Variants in NUGGC observed in about 807,000 individuals in gnomAD.
NUGGC encodes nuclear GTPase SLIP-GC.
A neutral mutation model predicts 92.6 loss-of-function variants in NUGGC; 58 were observed. The ratio of observed to expected loss-of-function variants is 0.63; its 90% CI spans 0.51 to 0.78. The LOEUF (loss-of-function observed/expected upper bound fraction) is 0.78, where lower values mean the gene tolerates loss of function less well. NUGGC is among the 30% of genes least tolerant of loss of function. NUGGC has a pLI of 0.00. For missense variants in NUGGC, 925 were observed against 964.6 expected (o/e 0.96, Z 0.54); for synonymous variants, 376 against 366.4 (o/e 1.03, Z -0.30).
At chr8:28,078,782 G>C (rs1810780923) in intron 1 of NUGGC, among the ~76,000 whole-genome samples, 1 of 152,136 alleles carries the variant, frequency 6.6e-6, no homozygotes, top group Non-Finnish European at 1.5e-5. Flanking sequence ...TGAGCTACAG[G>C]AGTATAGTCC....
In NUGGC at chr8:28,069,588, A is replaced by C. The variant is rs764086140; in HGVS notation, c.213T>G (p.Ser71=). 6.2e-7 allele frequency: 1 copy of C among 1,611,352 alleles called. No homozygotes were observed. Residue 71 remains serine, a synonymous_variant, in exon 4 of 19, where the codon TCT becomes TCG. Coordinates refer to ENST00000413272, the MANE Select transcript of NUGGC (RefSeq NM_001010906.2). The part of the protein sequence containing the change: ...LSNTYQKLIQ[S]VFLDDSIPNG... Reference sequence around the variant, plus strand: ...TAGGGATGCTGTCATCCAGGAAGACAGACTGAATAAGTTTCTGATAAGTGT... The same window carrying C: ...TAGGGATGCTGTCATCCAGGAAGACCGACTGAATAAGTTTCTGATAAGTGT...
intron 13 of NUGGC, among the ~76,000 whole-genome samples, chr8:28,036,599 A>G (rs1809559979): frequency 6.6e-6 from 1 of 152,134 alleles, no homozygotes; most frequent in Non-Finnish European, 1.5e-5. Context: ...CTCCCTCCCA[A>G]ATCTTCTTAG....
At chr8:28,070,662 C>T (rs1269494766) in intron 2 of NUGGC, among the ~76,000 whole-genome samples, 1 of 150,416 alleles carries the variant, frequency 6.6e-6, no homozygotes, top group Non-Finnish European at 1.5e-5. Context: ...GCGGCATGAT[C>T]ACGACTCACT....
Position 28,045,524 on chromosome 8 carries a change from T to C in NUGGC, c.1446+3A>G. 1.9e-6 allele frequency: 3 copies of C among 1,611,724 alleles called. 1 individual carries two copies. Among genetic ancestry groups the C allele is most frequent in the South Asian group, 2.2e-5 (2 of 90,778 alleles). On this transcript the variant is annotated splice_donor_region_variant and intron_variant, in intron 12 of 18. Transcript: ENST00000413272. ...GAATATGAAAACCCAGTGTCTTCCA[T>C]ACCGGCAGGTTTTGCGTGGAGTTGA...
chr8:28,069,625 C>T lies in NUGGC; in HGVS notation c.176G>A (p.Arg59Lys), dbSNP rs781659148. 5 of 1,611,022 alleles carry T rather than the reference C, an allele frequency of 3.1e-6. No homozygotes were observed. The highest frequency in any genetic ancestry group is 3.3e-5 in the Admixed American group (2 of 60,018). The stretch of plus-strand genomic sequence containing the variant: ...TTTCTGATAAGTGTTGCTCAAAACC[C>T]TTCTGGTCCGTGATTCCAATTTTTC... ...EYEKLESRTR[R>K]VLSNTYQKLI... is the part of the protein sequence containing the mutation. Residue 59 changes from arginine (R) to lysine (K), a missense_variant, in exon 4 of 19, where the codon AGG (arginine) becomes AAG (lysine). Coordinates refer to ENST00000413272, the MANE Select transcript of NUGGC (RefSeq NM_001010906.2).
chr8:28,040,221 T>G (rs1302951325), intron 13 of NUGGC, among the ~76,000 whole-genome samples: 1 of 152,158 alleles, frequency 6.6e-6, no homozygotes, highest in African/African-American at 2.4e-5. Context: ...CACCCCTTAG[T>G]CTTAGATAAA....
chr8:28,058,291 G>A lies in NUGGC; in HGVS notation c.1098-15C>T. 1 of 520,172 alleles carries A rather than the reference G, an allele frequency of 1.9e-6. No homozygotes were observed. The highest frequency in any genetic ancestry group is 3.0e-6 in the Non-Finnish European group (1 of 334,216). 32.2% of individuals were successfully genotyped at this position (520,172 alleles called of 1,614,324 possible). On this transcript the variant is annotated splice_polypyrimidine_tract_variant and intron_variant, in intron 8 of 18. Coordinates refer to ENST00000413272, the MANE Select transcript of NUGGC (RefSeq NM_001010906.2). ...CCTTTCTTTCCCTGAAATGAAATTA[G>A]AAAAATGTAACAATTACTTAATTTT...
intron 12 of NUGGC, among the ~76,000 whole-genome samples, chr8:28,044,314 C>T (rs533833017): frequency 2.0e-5 from 3 of 152,278 alleles, no homozygotes; most frequent in East Asian, 1.9e-4. Context: ...TAAGTGAAAA[C>T]CAACCAAATG....
In NUGGC at chr8:28,030,461, C is replaced by T. The variant is rs756724417; in HGVS notation, c.1909-43G>A. ...AAGAGGCCGTTGGTGACAATTCCTT[C>T]AATGGAAGCAGGTCAGGTGTCCCAG... On this transcript the variant is annotated intron_variant, in intron 15 of 18. Coordinates refer to ENST00000413272, the MANE Select transcript of NUGGC (RefSeq NM_001010906.2). 6 of 1,051,254 alleles carry T rather than the reference C, an allele frequency of 5.7e-6. No individual in the cohort carries two copies. The African/African-American group carries it at 9.4e-5, about 16-fold the overall frequency. 65.1% of individuals were successfully genotyped at this position (1,051,254 alleles called of 1,614,324 possible).
At chr8:28,067,129 T>C (rs1810457442) in intron 6 of NUGGC, among the ~76,000 whole-genome samples, 2 of 152,308 alleles carry the variant, frequency 1.3e-5, no homozygotes, top group African/African-American at 4.8e-5. Flanking sequence ...GATGCTGATG[T>C]TGGCATTGCT....
At chr8:28,059,618 A>G (rs997666248) in intron 8 of NUGGC, among the ~76,000 whole-genome samples, 2 of 152,140 alleles carry the variant, frequency 1.3e-5, no homozygotes, top group Non-Finnish European at 2.9e-5. Flanking sequence ...GCACATGTTT[A>G]CCTGTGTAAC....
intron 1 of NUGGC, among the ~76,000 whole-genome samples, chr8:28,078,919 T>G (rs777376870): frequency 5.3e-5 from 8 of 152,346 alleles, no homozygotes; most frequent in Non-Finnish European, 1.0e-4. Flanking sequence ...ATAAGCAAGG[T>G]TCTGCCTGTG....
intron 7 of NUGGC, among the ~76,000 whole-genome samples, chr8:28,061,758 G>A (rs998171673): frequency 6.6e-6 from 1 of 152,150 alleles, no homozygotes; most frequent in African/African-American, 2.4e-5. Context: ...GGCAAAAAAT[G>A]TCTGGAGACA....
At chr8:28,060,385 C>T (rs1291424891) in intron 8 of NUGGC, 41 bp downstream of exon 8, 1 of 1,593,538 alleles carries the variant, frequency 6.3e-7, no homozygotes. Context: ...AGAGGAAAGC[C>T]CCTGACTGGA....
chr8:28,060,569 G>C lies in NUGGC; in HGVS notation c.954C>G (p.Ile318Met). Residue 318 changes from isoleucine (I) to methionine (M), a missense_variant, in exon 8 of 19, where the codon ATC becomes ATG. Coordinates refer to ENST00000413272, the MANE Select transcript of NUGGC (RefSeq NM_001010906.2). ...TIDKCSVIWV[I>M]SDIERVSGGQ... ...CCCCAGAAACTCGCTCTATGTCGCT[G>C]ATCACCCAGATCACTGAGCACTTGT... 2.5e-6 allele frequency: 4 copies of C among 1,612,700 alleles called. No individual in the cohort carries two copies. The highest frequency in any genetic ancestry group is 3.4e-6 in the Non-Finnish European group (4 of 1,179,468).
At chr8:28,042,853 C>T (rs1337015609) in intron 12 of NUGGC, among the ~76,000 whole-genome samples, 5 of 152,168 alleles carry the variant, frequency 3.3e-5, no homozygotes, top group Non-Finnish European at 7.3e-5. Context: ...CGATGTGTGA[C>T]CTGATACAGG....
rs1809163571 is a variant in NUGGC, at chr8:28,023,255, A to G, written c.*62T>C. The G allele has an allele frequency of 2.0e-6, 3 of 1,529,646 alleles. No homozygotes were observed. Among genetic ancestry groups the G allele is most frequent in the Admixed American group, 2.1e-5 (1 of 48,646 alleles). 94.8% of individuals were successfully genotyped at this position (1,529,646 alleles called of 1,614,324 possible). A position where few individuals can be genotyped will look rare whatever the true frequency, so the allele number is the denominator to read the frequency against. ...AGATCTTGTCTCTTAAGAACAAAAAAAGTAATTCTAATTCTCTGGCTCTGG... is the reference window on the plus strand; with the variant it reads ...AGATCTTGTCTCTTAAGAACAAAAAGAGTAATTCTAATTCTCTGGCTCTGG... On this transcript the variant is annotated 3_prime_UTR_variant, in exon 19 of 19. Transcript: ENST00000413272.
intron 12 of NUGGC, among the ~76,000 whole-genome samples, chr8:28,045,287 A>G (rs1292087902): frequency 1.3e-5 from 2 of 152,284 alleles, no homozygotes; most frequent in South Asian, 2.1e-4. Context: ...GAAAATAGCT[A>G]CTATTTTGAC....
chr8:28,040,949 A>T, intron 13 of NUGGC, 102 bp downstream of exon 13: 1 of 1,215,834 alleles, frequency 8.2e-7, no homozygotes, highest in Non-Finnish European at 1.1e-6. Flanking sequence ...CCGGCCCGCT[A>T]ACTCTTTACC....
Sources: gnomAD v4.1 joint callset for allele counts (sites outside exome capture counted in the v4.1 genomes callset) on GRCh38, gnomAD v4.1.1 for gene constraint, MANE v1.5 for transcripts, NCBI Gene and HGNC (gene_info 2026-07-23, HGNC 2026-07-21) for gene names.